The following DSG3 variants were observed in gnomAD, a reference collection of about 807,000 sequenced individuals.
The protein encoded by DSG3 is desmoglein-3.
In DSG3, 63 loss-of-function variants were observed where a neutral mutation model predicts 85.9. The observed-to-expected ratio is 0.73, with a 90% CI of 0.60 to 0.90. The LOEUF is 0.90. DSG3 is among the 40% of genes least tolerant of loss of function. The pLI, the probability that DSG3 is intolerant of heterozygous loss-of-function variation, is 0.00. For synonymous variants in DSG3, 447 were observed against 441.9 expected, an observed-to-expected ratio of 1.01 and a Z score of -0.14; for missense variants, 1,220 against 1,219.9, an observed-to-expected ratio of 1.00 and a Z score of 0.00.
chr18:31,451,487 A>T (rs2072711433), intron 1 of DSG3, among the ~76,000 whole-genome samples: 1 of 152,202 alleles, frequency 6.6e-6, no homozygotes, highest in African/African-American at 2.4e-5. Context: ...ACTATCTTCA[A>T]CCACTTTGTT....
At chr18:31,455,338 C>T (rs1304953640) in intron 1 of DSG3, among the ~76,000 whole-genome samples, 2 of 151,672 alleles carry the variant, frequency 1.3e-5, no homozygotes, top group African/African-American at 2.4e-5. Context: ...TATTTTCCGA[C>T]CAGATTCATC....
chr18:31,476,921 T>TGCAGTCC lies in DSG3; in HGVS notation c.*670_*676dup, dbSNP rs1486151540. The stretch of plus-strand genomic sequence containing the variant: ...TTGCAGTGAGCCGAGATTGCGCCAC[T>TGCAGTCC]GCAGTCCGCAGTCCGGCCTGGGCGA... On this transcript the variant is annotated 3_prime_UTR_variant, in exon 16 of 16. Coordinates refer to ENST00000257189, the MANE Select transcript of DSG3 (RefSeq NM_001944.3). The TGCAGTCC allele has an allele frequency of 2.1e-5, 3 of 144,948 alleles. No homozygotes were observed. Among genetic ancestry groups the TGCAGTCC allele is most frequent in the Admixed American group, 7.2e-5 (1 of 13,930 alleles). The allele number at this position is 144,948 out of a possible 1,614,324, so 9.0% of individuals were successfully genotyped here. A position where few individuals can be genotyped will look rare whatever the true frequency, so the allele number is the denominator to read the frequency against.
Position 31,469,098 on chromosome 18 carries a change from C to A in DSG3, c.1646C>A (p.Ala549Asp). The change falls in exon 12 of 16, where the codon GCC becomes GAC. Residue 549 changes from alanine (A) to aspartate (D), a missense_variant. Transcript: ENST00000257189. ...WSITTLNATS[A>D]LLRAQEQIPP... Reference sequence around the variant, plus strand: ...GATTCTTTCTCTACAGCTACCTCGGCCCTCCTCAGAGCCCAGGAACAGATA... The same window carrying A: ...GATTCTTTCTCTACAGCTACCTCGGACCTCCTCAGAGCCCAGGAACAGATA... 6.2e-7 allele frequency: 1 copy of A among 1,613,340 alleles called. No homozygotes were observed. The highest frequency in any genetic ancestry group is 8.5e-7 in the Non-Finnish European group (1 of 1,179,292).
intron 13 of DSG3, 34 bp downstream of exon 13, chr18:31,472,457 T>C: frequency 6.3e-7 from 1 of 1,588,712 alleles, no homozygotes; most frequent in Non-Finnish European, 8.6e-7. Context: ...TGTATTTCAA[T>C]TACATAGAGA....
Position 31,477,155 on chromosome 18 carries a change from C to T in DSG3, c.*895C>T, listed in dbSNP as rs2072894520. 1.3e-5 allele frequency: 2 copies of T among 152,080 alleles called. No individual in the cohort carries two copies. Among genetic ancestry groups the T allele is most frequent in the African/African-American group, 4.8e-5 (2 of 41,450 alleles). The allele number at this position is 152,080 out of a possible 1,614,324, so 9.4% of individuals were successfully genotyped here. On this transcript the variant is annotated 3_prime_UTR_variant, in exon 16 of 16. Coordinates refer to ENST00000257189, the MANE Select transcript of DSG3 (RefSeq NM_001944.3). The stretch of plus-strand genomic sequence containing the variant: ...TTGCTACATCTATATTTCACATATT[C>T]TCACAATAAGAGAATTTTGAAATAG...
At chr18:31,451,219 G>A (rs1057126309) in intron 1 of DSG3, among the ~76,000 whole-genome samples, 3 of 152,154 alleles carry the variant, frequency 2.0e-5, no homozygotes, top group Admixed American at 6.5e-5. Context: ...TATCTTCAGA[G>A]GAAACCATTG....
At chr18:31,455,982 G>C (rs996449316) in intron 1 of DSG3, among the ~76,000 whole-genome samples, 3 of 152,168 alleles carry the variant, frequency 2.0e-5, no homozygotes, top group African/African-American at 7.2e-5. Flanking sequence ...GACTAATACA[G>C]GATTGCCTTC....
chr18:31,458,676 G>A (rs2072764714), intron 4 of DSG3, 76 bp downstream of exon 4: 1 of 1,505,780 alleles, frequency 6.6e-7, no homozygotes, highest in Admixed American at 2.0e-5. Flanking sequence ...GTTTTCTACT[G>A]GTAAATTTAG....
chr18:31,457,585 CTTCT>C (rs11369657), intron 3 of DSG3, among the ~76,000 whole-genome samples: 5,204 of 59,728 alleles, frequency 0.087, 186 homozygotes, highest in Non-Finnish European at 0.11. Flanking sequence ...TTCTTTCTTT[CTTCT>C]TTCTTTCTTT....
At chr18:31,465,522 A>C in intron 10 of DSG3, 65 bp downstream of exon 10, 1 of 1,253,974 alleles carries the variant, frequency 8.0e-7, no homozygotes, top group Non-Finnish European at 1.0e-6. Flanking sequence ...TTATGCATAG[A>C]TGATTATGAT....
In DSG3 at chr18:31,457,064, G is replaced by A; in HGVS notation, c.156G>A (p.Val52=). Residue 52 remains valine (V), a synonymous_variant, in exon 3 of 16, where the codon GTG becomes GTA. Transcript: ENST00000257189. ...AAAGAAGGCAAAAACGTGAATGGGT[G>A]AAATTTGCCAAACCCTGCAGAGAAG... ...QAKRRQKREW[V]KFAKPCREGE... 1 of 1,613,290 alleles carries A rather than the reference G, an allele frequency of 6.2e-7. No individual in the cohort carries two copies.
chr18:31,454,678 T>C (rs1307611765), intron 1 of DSG3, among the ~76,000 whole-genome samples: 1 of 151,906 alleles, frequency 6.6e-6, no homozygotes, highest in Non-Finnish European at 1.5e-5. Context: ...AGTTTGTTTT[T>C]TTTTTTTTTC....
intron 1 of DSG3, among the ~76,000 whole-genome samples, chr18:31,455,315 T>G (rs547266339): frequency 3.7e-4 from 57 of 152,242 alleles, no homozygotes; most frequent in Middle Eastern, 3.4e-3. Flanking sequence ...TCTTCTGACT[T>G]ATTTTCCACC....
Position 31,464,347 on chromosome 18 carries a change from C to T in DSG3, c.1236C>T (p.Ile412=), listed in dbSNP as rs867983575. 10 of 1,613,286 alleles carry T rather than the reference C, an allele frequency of 6.2e-6. No individual in the cohort carries two copies. Among genetic ancestry groups the T allele is most frequent in the Middle Eastern group, 1.6e-4 (1 of 6,074 alleles). Residue 412 remains isoleucine (I), a synonymous_variant, in exon 9 of 16, where the codon ATC becomes ATT. Coordinates refer to ENST00000257189, the MANE Select transcript of DSG3 (RefSeq NM_001944.3). ...VDYILGTYQA[I]DEDTNKAASN... ...ATATCCTGGGAACATATCAAGCCAT[C>T]GATGAGGACACTAACAAAGCTGCCT...
rs2072891787 is a variant in DSG3 at position 31,476,848 on chromosome 18, A to T, written c.*588A>T. Reference sequence around the variant, plus strand: ...GTGGCGGGCGCCTGTAGTCCCAGCTACTCGGGAGGCTGAGGCAGGAGAATG... The same window carrying T: ...GTGGCGGGCGCCTGTAGTCCCAGCTTCTCGGGAGGCTGAGGCAGGAGAATG... On this transcript the variant is annotated 3_prime_UTR_variant, in exon 16 of 16. Coordinates refer to ENST00000257189, the MANE Select transcript of DSG3 (RefSeq NM_001944.3). The T allele has an allele frequency of 6.6e-6, 1 of 151,726 alleles. No homozygotes were observed. The highest frequency in any genetic ancestry group is 2.4e-5 in the African/African-American group (1 of 41,256). The allele number at this position is 151,726 out of a possible 1,614,324, so 9.4% of individuals were successfully genotyped here.
At chr18:31,472,888 G>C (rs946601322) in intron 14 of DSG3, 100 bp downstream of exon 14, 2 of 1,101,136 alleles carry the variant, frequency 1.8e-6, no homozygotes, top group African/African-American at 3.1e-5. Flanking sequence ...TTGCATCTGT[G>C]TGCACATGTC....
intron 12 of DSG3, 36 bp downstream of exon 12, chr18:31,469,385 G>T: frequency 6.2e-7 from 1 of 1,607,632 alleles, no homozygotes; most frequent in Admixed American, 1.7e-5. Context: ...GTTGGACCAG[G>T]TGTCCTCATT....
intron 4 of DSG3, 142 bp from the exon 5 acceptor site, chr18:31,458,891 T>A (rs1251442605): frequency 8.9e-7 from 1 of 1,127,580 alleles, no homozygotes. Flanking sequence ...GGCACCTTTT[T>A]CCACTTTGTC....
chr18:31,453,378 C>T (rs1389633763), intron 1 of DSG3, among the ~76,000 whole-genome samples: 1 of 151,968 alleles, frequency 6.6e-6, no homozygotes, highest in Non-Finnish European at 1.5e-5. Context: ...CCCTGCCACA[C>T]TAAAGCATGA....
Sources: allele counts gnomAD v4.1 joint callset (sites outside exome capture counted in the v4.1 genomes callset), GRCh38; gene constraint gnomAD v4.1.1; transcripts MANE v1.5; gene names NCBI Gene and HGNC (gene_info 2026-07-23, HGNC 2026-07-21).